The following PSMD14 variants were observed in gnomAD, a reference collection of about 807,000 sequenced individuals.
PSMD14 encodes the protein ubiquitin C-terminal hydrolase PSMD14.
A neutral mutation model predicts 41.2 loss-of-function variants in PSMD14; 7 were observed. That is an observed-to-expected ratio of 0.17 (90% confidence interval 0.10 to 0.32). The LOEUF (loss-of-function observed/expected upper bound fraction) is 0.32, where lower values mean the gene tolerates loss of function less well. Ranked by LOEUF, PSMD14 falls within the 10% of genes least tolerant of loss-of-function variation. The pLI is 1.00. For synonymous variants in PSMD14, 114 were observed against 122.3 expected (o/e 0.93, Z 0.45); for missense variants, 139 against 375.6 (o/e 0.37, Z 5.21).
At chr2:161,358,254 A>G (rs1206826626) in intron 3 of PSMD14, among the ~76,000 whole-genome samples, 1 of 152,176 alleles carries the variant, frequency 6.6e-6, no homozygotes, top group Non-Finnish European at 1.5e-5. Context: ...TTTTAGTCCT[A>G]TAAATAGGAC....
intron 3 of PSMD14, among the ~76,000 whole-genome samples, chr2:161,330,541 A>T (rs935366327): frequency 5.3e-5 from 8 of 152,114 alleles, no homozygotes; most frequent in African/African-American, 1.9e-4. Context: ...TTTTCAGTTC[A>T]TGTTATCATT....
At chr2:161,327,401 C>T (rs1215889940) in intron 3 of PSMD14, among the ~76,000 whole-genome samples, 1 of 152,100 alleles carries the variant, frequency 6.6e-6, no homozygotes, top group African/African-American at 2.4e-5. Flanking sequence ...ACAAAAAAGA[C>T]ATTTAAAAGT....
In PSMD14 at chr2:161,408,867, G is replaced by C; in HGVS notation, c.802G>C (p.Glu268Gln). The C allele has an allele frequency of 6.2e-7, 1 of 1,607,356 alleles. No homozygotes were observed. Among genetic ancestry groups the C allele is most frequent in the South Asian group, 1.1e-5 (1 of 90,320 alleles). ...AGAAGAAGAAGATAAGATGACACCT[G>C]AACAGCTGGCAATAAAGAATGTTGG... is the stretch of plus-strand genomic sequence containing the variant. ...AVEEEDKMTP[E>Q]QLAIKNVGKQ... Residue 268 changes from glutamate (E) to glutamine (Q), a missense_variant, in exon 11 of 12, where the codon GAA (glutamate) becomes CAA (glutamine). By Grantham distance (29) the Glu-to-Gln change is conservative. This residue lies in a region of PSMD14 where 80 missense variants were observed against 138.1 expected (regional missense o/e 0.58). Coordinates refer to ENST00000409682, the MANE Select transcript of PSMD14 (RefSeq NM_005805.6).
At chr2:161,348,988 C>G (rs1683082011) in intron 3 of PSMD14, among the ~76,000 whole-genome samples, 1 of 152,174 alleles carries the variant, frequency 6.6e-6, no homozygotes, top group African/African-American at 2.4e-5. Flanking sequence ...GCTCACATAC[C>G]TGGTTCATTG....
chr2:161,325,155 A>G (rs547099237), intron 3 of PSMD14, among the ~76,000 whole-genome samples: 3 of 152,268 alleles, frequency 2.0e-5, no homozygotes, highest in African/African-American at 7.2e-5. Context: ...CAGGGTATAT[A>G]ATGCCTGTAA....
chr2:161,323,914 A>C (rs1439293289), intron 3 of PSMD14, among the ~76,000 whole-genome samples: 1 of 131,198 alleles, frequency 7.6e-6, no homozygotes, highest in Non-Finnish European at 1.6e-5. Context: ...TGTTGCCATA[A>C]TTTGGCTACT....
chr2:161,362,311 A>G (rs946924973), intron 3 of PSMD14, among the ~76,000 whole-genome samples: 1 of 152,246 alleles, frequency 6.6e-6, no homozygotes, highest in Non-Finnish European at 1.5e-5. Flanking sequence ...ACTATAAAAG[A>G]TAGAGCATAT....
intron 7 of PSMD14, among the ~76,000 whole-genome samples, chr2:161,378,392 C>T (rs1683530227): frequency 6.6e-6 from 1 of 151,886 alleles, no homozygotes; most frequent in African/African-American, 2.4e-5. Flanking sequence ...TAACAAGCTA[C>T]TGATTAGATT....
At chr2:161,385,671 T>A (rs1683625173) in intron 8 of PSMD14, 100 bp downstream of exon 8, 2 of 596,906 alleles carry the variant, frequency 3.4e-6, no homozygotes, top group Non-Finnish European at 5.5e-6. Context: ...TTTAATTTGC[T>A]TGCAAATTAA....
chr2:161,376,597 C>T lies in PSMD14; in HGVS notation c.462+5275C>T, dbSNP rs144826424. ...TGCTAACTAATCTAGGAATACTCTTCTGATTGGCCTACTTTTATTTAGCAC... is the reference window on the plus strand; with the variant it reads ...TGCTAACTAATCTAGGAATACTCTTTTGATTGGCCTACTTTTATTTAGCAC... On this transcript the variant is annotated intron_variant, in intron 7 of 11. Transcript: ENST00000409682. 2.6e-4 allele frequency among the ~76,000 whole-genome samples: 39 copies of T among 152,004 alleles called. No individual in the cohort carries two copies. The East Asian group carries it at 7.4e-3, about 29-fold the overall frequency.
chr2:161,371,338 T>C lies in PSMD14; in HGVS notation c.462+16T>C. The C allele has an allele frequency of 6.3e-7, 1 of 1,597,268 alleles. No individual in the cohort carries two copies. Among genetic ancestry groups the C allele is most frequent in the Non-Finnish European group, 8.5e-7 (1 of 1,170,112 alleles). On this transcript the variant is annotated intron_variant, in intron 7 of 11. Coordinates refer to ENST00000409682, the MANE Select transcript of PSMD14 (RefSeq NM_005805.6). ...AAAAGGAAAGGTAGAGTAGATTCTA[T>C]CTTTATTGCCATCTACTGCCACATT...
chr2:161,363,946 C>A (rs1434748563), intron 3 of PSMD14, among the ~76,000 whole-genome samples: 1 of 152,150 alleles, frequency 6.6e-6, no homozygotes, highest in African/African-American at 2.4e-5. Flanking sequence ...TCAATTAGAC[C>A]CCCTGCCTTA....
intron 10 of PSMD14, among the ~76,000 whole-genome samples, chr2:161,404,381 C>G (rs1683922225): frequency 6.6e-6 from 1 of 152,020 alleles, no homozygotes; most frequent in Non-Finnish European, 1.5e-5. Flanking sequence ...AAAAATGTAA[C>G]TTTATTAAGT....
rs1683381907 is a variant in PSMD14, at chr2:161,367,972, C to T, written c.240+69C>T. 4.0e-6 allele frequency: 6 copies of T among 1,495,514 alleles called. No homozygotes were observed. In the South Asian group the frequency reaches 6.5e-5, roughly 16 times the overall value. The allele number at this position is 1,495,514 out of a possible 1,614,324, so 92.6% of individuals were successfully genotyped here. ...TTTCATTTTTCTTTTCCTATGCAAA[C>T]TAACTCTCATCATATTACATTTTCT... On this transcript the variant is annotated intron_variant, in intron 5 of 11. Coordinates refer to ENST00000409682, the MANE Select transcript of PSMD14 (RefSeq NM_005805.6).
chr2:161,399,292 A>G (rs1683843687), intron 10 of PSMD14, among the ~76,000 whole-genome samples: 1 of 152,156 alleles, frequency 6.6e-6, no homozygotes, highest in African/African-American at 2.4e-5. Context: ...ATTTGATAAC[A>G]TGACATTAAA....
At position 161,359,140 on chromosome 2, in the gene PSMD14, T is replaced by G. The variant is rs200189923; in HGVS notation, c.49-8338T>G. Among the ~76,000 whole-genome samples, 8 of 151,556 alleles carry G rather than the reference T, an allele frequency of 5.3e-5. No individual in the cohort carries two copies. In the East Asian group the frequency reaches 1.6e-3, roughly 29 times the overall value. ...CACACCACCATGCCTGGCAAATCTT[T>G]AAAAAAAAATTTGTGGAGATGCGGT... On this transcript the variant is annotated intron_variant, in intron 3 of 11. Transcript: ENST00000409682.
intron 8 of PSMD14, among the ~76,000 whole-genome samples, chr2:161,390,397 T>C (rs1683696154): frequency 6.6e-6 from 1 of 152,154 alleles, no homozygotes; most frequent in Non-Finnish European, 1.5e-5. Flanking sequence ...TTTGAACACT[T>C]GATGTTGTCA....
chr2:161,343,877 A>G (rs912303961), intron 3 of PSMD14, among the ~76,000 whole-genome samples: 5 of 151,996 alleles, frequency 3.3e-5, no homozygotes. Context: ...TCTTTTGGGT[A>G]TATAGGTAGC....
At chr2:161,338,785 A>G (rs1682906105) in intron 3 of PSMD14, among the ~76,000 whole-genome samples, 1 of 152,168 alleles carries the variant, frequency 6.6e-6, no homozygotes. Context: ...GAATTTACAT[A>G]TGCCCCCAGT....
Sources: gnomAD v4.1 joint callset for allele counts (sites outside exome capture counted in the v4.1 genomes callset) on GRCh38, gnomAD v4.1.1 for gene constraint, gnomAD v4.1.1 regional missense constraint, MANE v1.5 for transcripts, NCBI Gene and HGNC (gene_info 2026-07-23, HGNC 2026-07-21) for gene names.